Variants in CTNNA3 observed in about 807,000 individuals in gnomAD.
The protein encoded by CTNNA3 is catenin alpha-3.
A neutral mutation model predicts 95.7 loss-of-function variants in CTNNA3; 76 were observed. The ratio of observed to expected loss-of-function variants is 0.79; its 90% confidence interval spans 0.66 to 0.96. CTNNA3 has a LOEUF of 0.96. Among genes scored for constraint, CTNNA3 ranks in the 40% least tolerant of loss-of-function variants. CTNNA3 has a pLI of 0.00. For synonymous variants in CTNNA3, 431 were observed against 374.4 expected (o/e 1.15, Z -1.74); for missense variants, 1,191 against 1,089.8 (o/e 1.09, Z -1.31).
rs557161947 is a variant in CTNNA3 at position 66,086,546 on chromosome 10, AG to A, written c.1977+16610del. Among the ~76,000 whole-genome samples the A allele has an allele frequency of 1.1e-3, 170 of 152,238 alleles. 1 individual carries two copies. The highest frequency in any genetic ancestry group is 0.01 in the Admixed American group (160 of 15,256). On this transcript the variant is annotated intron_variant, in intron 14 of 17. Coordinates refer to ENST00000433211, the MANE Select transcript of CTNNA3 (RefSeq NM_013266.4). The stretch of plus-strand genomic sequence containing the variant: ...GTTTGCAAATTATTTTATTTTACCA[AG>A]TAAGGGCAATAAAACACACACGTTT...
At chr10:67,394,373 T>A (rs1405995081) in intron 5 of CTNNA3, among the ~76,000 whole-genome samples, 1 of 150,632 alleles carries the variant, frequency 6.6e-6, no homozygotes, top group South Asian at 2.1e-4. Context: ...GCAGCTGACA[T>A]CAGTATTGTA....
At chr10:65,996,607 T>C (rs1010141621) in intron 15 of CTNNA3, among the ~76,000 whole-genome samples, 2 of 152,156 alleles carry the variant, frequency 1.3e-5, no homozygotes, top group Admixed American at 1.3e-4. Context: ...GCTACCTATC[T>C]GGAGCGACGC....
intron 5 of CTNNA3, among the ~76,000 whole-genome samples, chr10:67,465,767 G>A (rs1184647948): frequency 1.3e-5 from 2 of 151,894 alleles, no homozygotes; most frequent in African/African-American, 4.8e-5. Flanking sequence ...ATTTGGAGAA[G>A]GTGAAAAACA....
chr10:66,692,823 A>G (rs1017699750), intron 9 of CTNNA3, among the ~76,000 whole-genome samples: 3 of 152,186 alleles, frequency 2.0e-5, no homozygotes, highest in African/African-American at 4.8e-5. Flanking sequence ...TTCTTAAAGA[A>G]AAGGATTTTC....
Position 66,379,349 on chromosome 10 carries a change from C to T in CTNNA3, c.1535G>A (p.Ser512Asn), listed in dbSNP as rs1487959891. 1 of 1,613,170 alleles carries T rather than the reference C, an allele frequency of 6.2e-7. No individual in the cohort carries two copies. Among genetic ancestry groups the T allele is most frequent in the Admixed American group, 1.7e-5 (1 of 59,984 alleles). ...SIDDFLAVSE[S>N]HILEDVNKCI... ...CTTGTTGACATCTTCCAAGATATGG[C>T]TTTCTGTAAGTAAATGAATCAAATT... The change falls in exon 12 of 18, where the codon AGC becomes AAC. Residue 512 changes from serine (S) to asparagine (N), a missense_variant. Ser to Asn is a conservative substitution (Grantham distance 46). Coordinates refer to ENST00000433211, the MANE Select transcript of CTNNA3 (RefSeq NM_013266.4).
intron 12 of CTNNA3, among the ~76,000 whole-genome samples, chr10:66,322,906 G>C (rs2092208122): frequency 6.6e-6 from 1 of 151,864 alleles, no homozygotes; most frequent in East Asian, 2.0e-4. Flanking sequence ...CAAGGACCTA[G>C]AACCAATCTG....
chr10:66,295,321 A>C (rs1192980983), intron 12 of CTNNA3, among the ~76,000 whole-genome samples: 1 of 152,224 alleles, frequency 6.6e-6, no homozygotes, highest in African/African-American at 2.4e-5. Context: ...TAGGTTAAGA[A>C]ATGCATAATC....
intron 13 of CTNNA3, among the ~76,000 whole-genome samples, chr10:66,254,660 C>G (rs1362223553): frequency 6.6e-6 from 1 of 152,144 alleles, no homozygotes; most frequent in African/African-American, 2.4e-5. Context: ...GCTCTGACAC[C>G]CTGCCGGGCA....
At chr10:65,954,031 A>G (rs1204541816) in intron 17 of CTNNA3, among the ~76,000 whole-genome samples, 1 of 152,160 alleles carries the variant, frequency 6.6e-6, no homozygotes, top group Non-Finnish European at 1.5e-5. Context: ...ATTTCTCCAC[A>G]TCCTCTCCAG....
At chr10:67,649,568 T>A (rs955747171) in intron 1 of CTNNA3, among the ~76,000 whole-genome samples, 1 of 152,212 alleles carries the variant, frequency 6.6e-6, no homozygotes, top group African/African-American at 2.4e-5. Flanking sequence ...AAATAAATCC[T>A]TAAAGAACTT....
intron 13 of CTNNA3, among the ~76,000 whole-genome samples, chr10:66,266,295 G>T (rs751498147): frequency 1.4e-4 from 21 of 151,878 alleles, no homozygotes; most frequent in Non-Finnish European, 2.9e-4. Context: ...ACTATAACAC[G>T]TAGCTGAGAC....
chr10:66,865,134 G>A (rs1316909310), intron 7 of CTNNA3, among the ~76,000 whole-genome samples: 4 of 151,816 alleles, frequency 2.6e-5, no homozygotes, highest in Non-Finnish European at 5.9e-5. Context: ...TACAGATATT[G>A]AAGTAGATTG....
chr10:67,733,819 C>A (rs768235863), intron 1 of CTNNA3, among the ~76,000 whole-genome samples: 1 of 152,120 alleles, frequency 6.6e-6, no homozygotes. Context: ...TGGGCAGCTA[C>A]CTGGCAGTCA....
chr10:66,420,831 A>AAATAAATAAATTAATTAATT (rs2093186603), intron 11 of CTNNA3, among the ~76,000 whole-genome samples: 1 of 55,690 alleles, frequency 1.8e-5, no homozygotes, highest in African/African-American at 1.1e-4. Context: ...ATAAATAAAT[A>AAATAAATAAATTAATTAATT]AATAAATAAA....
chr10:66,928,465 G>T, intron 7 of CTNNA3: 4 of 1,569,996 alleles, frequency 2.5e-6, no homozygotes, highest in Non-Finnish European at 3.4e-6. Context: ...ATGAACCATT[G>T]TGATAAAAAG....
chr10:66,367,898 T>A lies in CTNNA3; in HGVS notation c.1732+11254A>T, dbSNP rs902275755. 6.0e-3 allele frequency among the ~76,000 whole-genome samples: 372 copies of A among 61,578 alleles called. 2 individuals carry two copies. The highest frequency in any genetic ancestry group is 8.9e-3 in the Non-Finnish European group (259 of 29,088). 40.4% of individuals were successfully genotyped at this position (61,578 alleles called of 152,430 possible). A position where few individuals can be genotyped will look rare whatever the true frequency, so the allele number is the denominator to read the frequency against. On this transcript the variant is annotated intron_variant, in intron 12 of 17. Transcript: ENST00000433211. ...TAATAATAATTATTATTATTATTAT[T>A]ATTATTATTATTATTATTATTATTA... is the stretch of plus-strand genomic sequence containing the variant.
intron 10 of CTNNA3, among the ~76,000 whole-genome samples, chr10:66,611,844 C>T (rs567570880): frequency 1.1e-4 from 16 of 152,138 alleles, no homozygotes; most frequent in East Asian, 5.8e-4. Context: ...CTTAAGGTTA[C>T]GCCTTTGATT....
At chr10:67,110,362 C>G (rs1372794506) in intron 7 of CTNNA3, among the ~76,000 whole-genome samples, 4 of 150,582 alleles carry the variant, frequency 2.7e-5, no homozygotes, top group African/African-American at 7.3e-5. Flanking sequence ...ACTTGGCTTA[C>G]AAAAAAAAAT....
chr10:66,282,406 C>T (rs2091509013), intron 12 of CTNNA3, among the ~76,000 whole-genome samples: 1 of 151,756 alleles, frequency 6.6e-6, no homozygotes, highest in Admixed American at 6.6e-5. Context: ...AATCTAAATA[C>T]ATTTCTTTCT....
Sources: gnomAD v4.1 joint callset for allele counts (sites outside exome capture counted in the v4.1 genomes callset) on GRCh38, gnomAD v4.1.1 for gene constraint, MANE v1.5 for transcripts, NCBI Gene and HGNC (gene_info 2026-07-23, HGNC 2026-07-21) for gene names.